Variants in ATG7 observed in about 807,000 individuals in gnomAD.
The protein encoded by ATG7 is ubiquitin-like modifier-activating enzyme ATG7.
ATG7 carries 70 observed loss-of-function variants against 82.4 expected under a neutral mutation model. That is an observed-to-expected ratio of 0.85 (90% CI 0.70 to 1.04). ATG7 has a LOEUF of 1.04. Among genes scored for constraint, ATG7 ranks in the 50% least tolerant of loss-of-function variants. The pLI is 0.00. For synonymous variants in ATG7, 287 were observed against 313.0 expected, an observed-to-expected ratio of 0.92 and a Z score of 0.88; for missense variants, 792 against 864.3, an observed-to-expected ratio of 0.92 and a Z score of 1.05.
At chr3:11,331,828 G>A (rs576113587) in intron 10 of ATG7, among the ~76,000 whole-genome samples, 1 of 152,104 alleles carries the variant, frequency 6.6e-6, no homozygotes, top group Non-Finnish European at 1.5e-5. Context: ...ATATACATTT[G>A]AAAAGATGCC....
intron 20 of ATG7, among the ~76,000 whole-genome samples, chr3:11,551,281 C>T (rs2071755383): frequency 6.6e-6 from 1 of 152,222 alleles, no homozygotes; most frequent in Admixed American, 6.5e-5. Flanking sequence ...CGGAGGGTTT[C>T]CTGGGTGTGT....
At chr3:11,438,005 G>C (rs1023556343) in intron 20 of ATG7, among the ~76,000 whole-genome samples, 23 of 152,288 alleles carry the variant, frequency 1.5e-4, no homozygotes, top group African/African-American at 5.3e-4. Context: ...ATTATACTTA[G>C]AGTTTTTTCC....
chr3:11,409,876 T>C (rs1389397862), intron 19 of ATG7, among the ~76,000 whole-genome samples: 3 of 152,022 alleles, frequency 2.0e-5, no homozygotes, highest in Non-Finnish European at 2.9e-5. Context: ...TTGTCAAAGA[T>C]CAGTTGACTA....
chr3:11,484,846 A>G (rs953349231), intron 20 of ATG7, among the ~76,000 whole-genome samples: 5 of 152,058 alleles, frequency 3.3e-5, no homozygotes, highest in African/African-American at 1.2e-4. Context: ...TTCCAATTTC[A>G]TCCATGTCCC....
intron 20 of ATG7, among the ~76,000 whole-genome samples, chr3:11,508,427 G>A (rs1027153958): frequency 1.4e-4 from 21 of 152,054 alleles, no homozygotes; most frequent in African/African-American, 4.3e-4. Context: ...GGCCACATGC[G>A]TTAGACAAGC....
intron 19 of ATG7, among the ~76,000 whole-genome samples, chr3:11,402,559 T>C (rs1267878490): frequency 6.6e-6 from 1 of 152,154 alleles, no homozygotes; most frequent in African/African-American, 2.4e-5. Context: ...GACCTAGGTT[T>C]CACCTAGAAC....
At chr3:11,490,600 T>G (rs1407925757) in intron 20 of ATG7, among the ~76,000 whole-genome samples, 1 of 152,244 alleles carries the variant, frequency 6.6e-6, no homozygotes. Context: ...GATTTTGCAG[T>G]GGCTGGTACC....
chr3:11,534,876 G>C (rs1422958628), intron 20 of ATG7, among the ~76,000 whole-genome samples: 1 of 152,234 alleles, frequency 6.6e-6, no homozygotes, highest in African/African-American at 2.4e-5. Flanking sequence ...TCAGCCCAAT[G>C]CGCTTCAGGC....
chr3:11,283,919 G>A (rs1205726067), intron 3 of ATG7, among the ~76,000 whole-genome samples: 6 of 152,082 alleles, frequency 3.9e-5, no homozygotes, highest in African/African-American at 4.8e-5. Flanking sequence ...ACGACAGAAC[G>A]AGACTCTGTC....
intron 20 of ATG7, chr3:11,446,599 A>T (rs142283520): frequency 2.6e-6 from 1 of 386,418 alleles, no homozygotes; most frequent in African/African-American, 2.2e-5. Flanking sequence ...CCTTTAAAAG[A>T]ATGAGGCACA....
chr3:11,419,555 A>G (rs912651067), intron 19 of ATG7, among the ~76,000 whole-genome samples: 4 of 151,852 alleles, frequency 2.6e-5, no homozygotes, highest in African/African-American at 7.3e-5. Context: ...CTCTTGTCTC[A>G]AAACAAACAA....
At chr3:11,283,043 G>A (rs936356672) in intron 3 of ATG7, among the ~76,000 whole-genome samples, 5 of 152,196 alleles carry the variant, frequency 3.3e-5, no homozygotes, top group Non-Finnish European at 7.3e-5. Flanking sequence ...AGGCACTTCA[G>A]GGCCAAATTG....
chr3:11,426,923 TG>T lies in ATG7; in HGVS notation c.2077del (p.Glu693ArgfsTer5). ...TLLHQETQAA[E>X]IWDMSDDETI is the part of the protein sequence containing the mutation. ...TGCTGCATCAAGAAACCCAAGCTGC[TG>T]AGGTAAGAACAAAACAAGCTTTCTG... On this transcript the variant is annotated frameshift_variant and splice_region_variant, in exon 20 of 21. Transcript: ENST00000693202. LOFTEE classifies it high-confidence loss of function. The T allele has an allele frequency of 6.3e-7, 1 of 1,598,984 alleles. No individual in the cohort carries two copies. The highest frequency in any genetic ancestry group is 8.5e-7 in the Non-Finnish European group (1 of 1,174,814).
At chr3:11,410,431 A>G (rs1376006306) in intron 19 of ATG7, among the ~76,000 whole-genome samples, 1 of 152,098 alleles carries the variant, frequency 6.6e-6, no homozygotes, top group Admixed American at 6.5e-5. Context: ...TCAATTTTTT[A>G]TGTGATAGAA....
rs547502290 is a variant in ATG7, at chr3:11,317,117, G to C, written c.678+1624G>C. Among the ~76,000 whole-genome samples, 6 of 152,210 alleles carry C rather than the reference G, an allele frequency of 3.9e-5. No homozygotes were observed. In the South Asian group the frequency reaches 1.2e-3, roughly 32 times the overall value. ...GGCCTCCCAAAGTGCTGAGATTACAGGCGTGAGCCACCACTCCTGGCCCAG... is the reference window on the plus strand; with the variant it reads ...GGCCTCCCAAAGTGCTGAGATTACACGCGTGAGCCACCACTCCTGGCCCAG... On this transcript the variant is annotated intron_variant, in intron 9 of 20. Coordinates refer to ENST00000693202, the MANE Select transcript of ATG7 (RefSeq NM_001349232.2).
At chr3:11,573,367 GAAAGAAAGAA>G in the ATG7 span, among the ~76,000 whole-genome samples, 46 of 134,938 alleles carry the variant, frequency 3.4e-4, no homozygotes, top group African/African-American at 1.1e-3. Flanking sequence ...AAGAAAGAAA[GAAAGAAAGAA>G]AGAAAGAAAG....
rs371157952 is a variant in ATG7 at position 11,320,464 on chromosome 3, C to A, written c.678+4971C>A. Among the ~76,000 whole-genome samples the A allele has an allele frequency of 1.3e-4, 20 of 151,988 alleles. No homozygotes were observed. In the East Asian group the frequency reaches 3.9e-3, roughly 29 times the overall value. On this transcript the variant is annotated intron_variant, in intron 9 of 20. Transcript: ENST00000693202. ...CACCACACCTGGCTAATTTTTTTATCTTTAGTAGAGATGGGGTTTCGCCAT... is the reference window on the plus strand; with the variant it reads ...CACCACACCTGGCTAATTTTTTTATATTTAGTAGAGATGGGGTTTCGCCAT...
intron 3 of ATG7, among the ~76,000 whole-genome samples, chr3:11,295,772 TTTTC>T (rs869163790): frequency 0.089 from 3,493 of 39,182 alleles, 139 homozygotes; most frequent in African/African-American, 0.17. Flanking sequence ...TCTTTCTTTC[TTTTC>T]TTTCTTTCTT....
At chr3:11,543,826 G>A (rs968984659) in intron 20 of ATG7, among the ~76,000 whole-genome samples, 1 of 152,154 alleles carries the variant, frequency 6.6e-6, no homozygotes, top group Non-Finnish European at 1.5e-5. Flanking sequence ...TGCTTGAACC[G>A]CGGACCTCTG....
Sources: allele counts gnomAD v4.1 joint callset (sites outside exome capture counted in the v4.1 genomes callset), GRCh38; gene constraint gnomAD v4.1.1; transcripts MANE v1.5; gene names NCBI Gene and HGNC (gene_info 2026-07-23, HGNC 2026-07-21).